ARMC2: variants seen among roughly 807,000 people sequenced by gnomAD.
ARMC2 encodes armadillo repeat containing 2.
Under a neutral mutation model 90.3 loss-of-function variants are expected in ARMC2, and 67 were observed. The observed-to-expected ratio is 0.74, with a 90% CI of 0.61 to 0.91. ARMC2 has a LOEUF of 0.91. Ranked by LOEUF, ARMC2 falls within the 40% of genes least tolerant of loss-of-function variation. The pLI is 0.00. For missense variants in ARMC2, 920 were observed against 1,030.9 expected (o/e 0.89, Z 1.47); for synonymous variants, 393 against 393.0 (o/e 1.00, Z 0.00).
At chr6:108,853,282 T>C (rs1347204836) in intron 1 of ARMC2, among the ~76,000 whole-genome samples, 1 of 152,218 alleles carries the variant, frequency 6.6e-6, no homozygotes, top group East Asian at 1.9e-4. Flanking sequence ...TTTAGAATCA[T>C]AATATAGTAA....
chr6:109,037,471 T>G, the ARMC2 span, among the ~76,000 whole-genome samples: 1 of 152,120 alleles, frequency 6.6e-6, no homozygotes, highest in South Asian at 2.1e-4. Flanking sequence ...ATGTTAAAAT[T>G]CCCTCCATTA....
In ARMC2 at chr6:108,910,954, G is replaced by A; in HGVS notation, c.1079G>A (p.Ser360Asn). The change falls in exon 9 of 18, where the codon AGC becomes AAC. Residue 360 changes from serine to asparagine, a missense_variant. Physicochemically the swap from Ser to Asn is conservative, Grantham distance 46. Transcript: ENST00000392644. ...LNVCKLIFKI[S>N]RNEKNDSLIQ... ...GTCTGCAAACTTATATTTAAAATTAGCAGGAATGAGAAGAATGATTCTTTG... is the reference window on the plus strand; with the variant it reads ...GTCTGCAAACTTATATTTAAAATTAACAGGAATGAGAAGAATGATTCTTTG... 6.3e-7 allele frequency: 1 copy of A among 1,584,928 alleles called. No individual in the cohort carries two copies. The highest frequency in any genetic ancestry group is 8.6e-7 in the Non-Finnish European group (1 of 1,165,630).
chr6:108,951,678 C>T (rs1197642852), intron 12 of ARMC2, among the ~76,000 whole-genome samples: 1 of 152,250 alleles, frequency 6.6e-6, no homozygotes, highest in Non-Finnish European at 1.5e-5. Flanking sequence ...CCCCAATCCT[C>T]CCCAGTTTCC....
chr6:109,048,291 G>T, the ARMC2 span, among the ~76,000 whole-genome samples: 1 of 152,112 alleles, frequency 6.6e-6, no homozygotes, highest in East Asian at 1.9e-4. Flanking sequence ...AACCACAGGT[G>T]AATAGTTTGA....
At chr6:108,987,389 G>C in the ARMC2 span, 1 of 528,844 alleles carries the variant, frequency 1.9e-6, no homozygotes, top group Non-Finnish European at 3.4e-6. Context: ...TGCCAGCAGT[G>C]GTTTTCCACA....
the ARMC2 span, chr6:109,009,122 G>C: frequency 1.4e-6 from 1 of 711,828 alleles, no homozygotes; most frequent in Non-Finnish European, 2.0e-6. Flanking sequence ...TTTCTGCCCA[G>C]GGACGACTCA....
Position 108,964,989 on chromosome 6 carries a change from C to T in ARMC2, c.2295C>T (p.Asp765=). 1 of 1,604,198 alleles carries T rather than the reference C, an allele frequency of 6.2e-7. No homozygotes were observed. Among genetic ancestry groups the T allele is most frequent in the South Asian group, 1.1e-5 (1 of 90,736 alleles). The change falls in exon 17 of 18, where the codon GAC becomes GAT. Residue 765 remains aspartate (D), a synonymous_variant. Coordinates refer to ENST00000392644, the MANE Select transcript of ARMC2 (RefSeq NM_032131.6). ...AATTTTATTAACTCAGGTTAGTGGA[C>T]TGTTTAAGAGATTTGGGTCCTACTG... is the stretch of plus-strand genomic sequence containing the variant. ...KEGGGIKKLV[D]CLRDLGPTDW...
At chr6:108,850,610 A>G (rs952495974) in intron 1 of ARMC2, among the ~76,000 whole-genome samples, 8 of 152,242 alleles carry the variant, frequency 5.3e-5, no homozygotes, top group Non-Finnish European at 1.2e-4. Context: ...ATCTGACCAC[A>G]TAACATCAAA....
At chr6:109,035,268 C>T in the ARMC2 span, among the ~76,000 whole-genome samples, 1 of 152,140 alleles carries the variant, frequency 6.6e-6, no homozygotes, top group African/African-American at 2.4e-5. Context: ...TGCTGAGCAT[C>T]TAGTGTGTGT....
intron 11 of ARMC2, among the ~76,000 whole-genome samples, chr6:108,934,067 G>T (rs942796819): frequency 1.3e-5 from 2 of 152,096 alleles, no homozygotes; most frequent in African/African-American, 4.8e-5. Context: ...TTACCATGTT[G>T]TCCAGGCAGG....
At chr6:109,034,919 T>C in the ARMC2 span, among the ~76,000 whole-genome samples, 1 of 152,242 alleles carries the variant, frequency 6.6e-6, no homozygotes, top group Non-Finnish European at 1.5e-5. Context: ...TAAACTTTCC[T>C]GTTTAAGAAC....
At chr6:108,856,159 T>C (rs1274724307) in intron 2 of ARMC2, among the ~76,000 whole-genome samples, 1 of 152,232 alleles carries the variant, frequency 6.6e-6, no homozygotes, top group African/African-American at 2.4e-5. Flanking sequence ...TGTCCTATGT[T>C]ATATTTTAGA....
chr6:108,901,304 CAG>C (rs1488056531), intron 7 of ARMC2, among the ~76,000 whole-genome samples: 2 of 151,312 alleles, frequency 1.3e-5, no homozygotes, highest in Non-Finnish European at 1.5e-5. Context: ...TTAGTAGAGA[CAG>C]GGGTTTCACC....
the ARMC2 span, among the ~76,000 whole-genome samples, chr6:109,041,139 A>G: frequency 9.3e-6 from 1 of 107,420 alleles, no homozygotes; most frequent in Non-Finnish European, 2.1e-5. Flanking sequence ...TGTTTCTATT[A>G]AAAAAAAAAA....
intron 10 of ARMC2, among the ~76,000 whole-genome samples, chr6:108,918,779 A>G (rs186929464): frequency 1.3e-5 from 2 of 152,362 alleles, no homozygotes; most frequent in Admixed American, 1.3e-4. Flanking sequence ...CAGCTAGGAA[A>G]TGAAATGAGA....
chr6:109,017,031 A>G, the ARMC2 span, among the ~76,000 whole-genome samples: 2 of 151,996 alleles, frequency 1.3e-5, no homozygotes, highest in African/African-American at 4.8e-5. Flanking sequence ...TATATATTTT[A>G]TATTTTATAT....
downstream of ARMC2, among the ~76,000 whole-genome samples, chr6:108,977,848 C>T (rs545131583): frequency 9.2e-5 from 14 of 152,038 alleles, no homozygotes; most frequent in African/African-American, 3.1e-4. Flanking sequence ...GGTGATATCC[C>T]CTTTATCATT....
chr6:108,867,699 A>G (rs956841937), intron 3 of ARMC2, among the ~76,000 whole-genome samples: 1 of 151,998 alleles, frequency 6.6e-6, no homozygotes, highest in Non-Finnish European at 1.5e-5. Context: ...TGAACCTGGG[A>G]GGCGGAGGTT....
chr6:108,957,687 T>TG (rs1479408480), intron 13 of ARMC2, among the ~76,000 whole-genome samples: 2 of 152,202 alleles, frequency 1.3e-5, no homozygotes, highest in African/African-American at 2.4e-5. Context: ...CCCCAGGACT[T>TG]GCCTAGAGAG....
Sources: allele counts gnomAD v4.1 joint callset (sites outside exome capture counted in the v4.1 genomes callset), GRCh38; gene constraint gnomAD v4.1.1; transcripts MANE v1.5; gene names NCBI Gene and HGNC (gene_info 2026-07-23, HGNC 2026-07-21).